The following SASS6 variants were observed in gnomAD, a reference collection of about 807,000 sequenced individuals.
SASS6 encodes spindle assembly abnormal protein 6 homolog.
A neutral mutation model predicts 94.9 loss-of-function variants in SASS6; 59 were observed. The ratio of observed to expected loss-of-function variants is 0.62; its 90% confidence interval spans 0.50 to 0.77. The LOEUF (loss-of-function observed/expected upper bound fraction) is 0.77, where lower values mean the gene tolerates loss of function less well. SASS6 is among the 30% of genes least tolerant of loss of function. The probability of loss-of-function intolerance (pLI) is 0.00; values close to 1 mark genes in which losing one functional copy is unlikely to be tolerated. For missense variants in SASS6, 698 were observed against 734.1 expected, an observed-to-expected ratio of 0.95 and a Z score of 0.57; for synonymous variants, 264 against 270.0, an observed-to-expected ratio of 0.98 and a Z score of 0.22.
At position 100,119,108 on chromosome 1, in the gene SASS6, A is replaced by G; in HGVS notation, c.579T>C (p.Asp193=). The G allele has an allele frequency of 6.4e-7, 1 of 1,574,444 alleles. No homozygotes were observed. Among genetic ancestry groups the G allele is most frequent in the Non-Finnish European group, 8.7e-7 (1 of 1,152,424 alleles). The change falls in exon 7 of 17, where the codon GAT becomes GAC. Residue 193 remains aspartate (D), a synonymous_variant. Coordinates refer to ENST00000287482, the MANE Select transcript of SASS6 (RefSeq NM_194292.3). ...KTLAEKKQEL[D]KLRNEWASHT... The stretch of plus-strand genomic sequence containing the variant: ...GTGACGCCCATTCATTCCGTAACTT[A>G]TCTAATTCTTGTTTTTTTTCTGCTA...
intron 7 of SASS6, among the ~76,000 whole-genome samples, chr1:100,112,271 GAAT>G (rs1465480712): frequency 6.6e-6 from 1 of 151,928 alleles, no homozygotes; most frequent in Non-Finnish European, 1.5e-5. Context: ...TTTGGGAATG[GAAT>G]AATAATGATA....
At chr1:100,108,534 T>A (rs1052923784) in intron 8 of SASS6, among the ~76,000 whole-genome samples, 1 of 152,106 alleles carries the variant, frequency 6.6e-6, no homozygotes. Flanking sequence ...AAAAATAGAT[T>A]TTTAAAAAAT....
intron 7 of SASS6, among the ~76,000 whole-genome samples, chr1:100,112,582 C>T (rs1160578684): frequency 1.3e-5 from 2 of 152,110 alleles, no homozygotes; most frequent in Non-Finnish European, 2.9e-5. Context: ...AAAGATAACA[C>T]AGGTTTAATG....
intron 13 of SASS6, among the ~76,000 whole-genome samples, chr1:100,104,643 A>G (rs1232071598): frequency 6.6e-6 from 1 of 152,000 alleles, no homozygotes; most frequent in African/African-American, 2.4e-5. Context: ...TATTTTTAGT[A>G]GAGACAGGGT....
At chr1:100,120,568 T>A in intron 5 of SASS6, 109 bp from the exon 6 acceptor site, 1 of 593,004 alleles carries the variant, frequency 1.7e-6, no homozygotes, top group Non-Finnish European at 3.0e-6. Flanking sequence ...GAAATGCAGA[T>A]TCTTAGGCTC....
chr1:100,089,010 C>T (rs1057265714), intron 14 of SASS6, among the ~76,000 whole-genome samples: 3 of 151,596 alleles, frequency 2.0e-5, no homozygotes, highest in African/African-American at 7.3e-5. Context: ...AATTATAGAC[C>T]AGGGACACAA....
At chr1:100,102,360 A>AC (rs1652562690) in intron 14 of SASS6, among the ~76,000 whole-genome samples, 1 of 152,098 alleles carries the variant, frequency 6.6e-6, no homozygotes, top group Non-Finnish European at 1.5e-5. Flanking sequence ...AGCGTAGGAG[A>AC]CACAAGTAGA....
chr1:100,095,565 G>A (rs540801613), intron 14 of SASS6, among the ~76,000 whole-genome samples: 354 of 152,124 alleles, frequency 2.3e-3, no homozygotes, highest in African/African-American at 8.0e-3. Flanking sequence ...TTGTACTATC[G>A]GTTCTAGCCA....
intron 7 of SASS6, among the ~76,000 whole-genome samples, chr1:100,118,278 G>A (rs552083111): frequency 2.0e-5 from 3 of 151,618 alleles, no homozygotes; most frequent in Admixed American, 6.6e-5. Context: ...TTGTGCCACC[G>A]CACTCCAGCC....
intron 14 of SASS6, among the ~76,000 whole-genome samples, chr1:100,097,782 A>G (rs1360532949): frequency 6.6e-6 from 1 of 152,180 alleles, no homozygotes; most frequent in East Asian, 1.9e-4. Context: ...ATAAGCCATG[A>G]TCGTGCCACT....
At chr1:100,121,983 T>C (rs1004492394) in intron 4 of SASS6, among the ~76,000 whole-genome samples, 11 of 152,224 alleles carry the variant, frequency 7.2e-5, no homozygotes, top group Non-Finnish European at 1.6e-4. Flanking sequence ...TTGTTCTTCC[T>C]AATGAAATAA....
chr1:100,092,135 G>A lies in SASS6; in HGVS notation c.1675-3899C>T, dbSNP rs373055558. Among the ~76,000 whole-genome samples, 29 of 150,924 alleles carry A rather than the reference G, an allele frequency of 1.9e-4. No individual in the cohort carries two copies. In the East Asian group the frequency reaches 2.3e-3, roughly 12 times the overall value. On this transcript the variant is annotated intron_variant, in intron 14 of 16. Coordinates refer to ENST00000287482, the MANE Select transcript of SASS6 (RefSeq NM_194292.3). The stretch of plus-strand genomic sequence containing the variant: ...AAAGTCAAATAAGTTCAAAATCCAT[G>A]CCCAGACACATCATTGTTAAACTGT...
chr1:100,105,880 G>T lies in SASS6; in HGVS notation c.1432C>A (p.Leu478Ile), dbSNP rs1436466473. ...EKLITWLNKELNENQLVRKQD... is the reference protein window; with the variant it reads ...EKLITWLNKEINENQLVRKQD... ...TTTCTCACTAGCTGATTTTCATTTA[G>T]TTCTTTATTTAACCACGTGATTACT... The change falls in exon 13 of 17, where the codon CTA becomes ATA. Residue 478 changes from leucine (L) to isoleucine (I), a missense_variant. Physicochemically the swap from Leu to Ile is conservative, Grantham distance 5. Transcript: ENST00000287482. 6.2e-7 allele frequency: 1 copy of T among 1,606,220 alleles called. No homozygotes were observed. Among genetic ancestry groups the T allele is most frequent in the South Asian group, 1.1e-5 (1 of 90,064 alleles).
intron 7 of SASS6, among the ~76,000 whole-genome samples, chr1:100,116,012 C>T (rs1028631100): frequency 1.3e-5 from 2 of 151,842 alleles, no homozygotes; most frequent in Non-Finnish European, 2.9e-5. Context: ...TCATAGTCCT[C>T]GGGTGGGAAA....
At chr1:100,090,576 C>T (rs1024275771) in intron 14 of SASS6, among the ~76,000 whole-genome samples, 1 of 152,140 alleles carries the variant, frequency 6.6e-6, no homozygotes, top group Admixed American at 6.5e-5. Context: ...AGTGGCGAGG[C>T]GATAACTAAA....
intron 1 of SASS6, among the ~76,000 whole-genome samples, chr1:100,129,752 C>G (rs1186138064): frequency 6.6e-6 from 1 of 152,112 alleles, no homozygotes; most frequent in East Asian, 1.9e-4. Context: ...AACAAGAATG[C>G]TTGTATGACT....
intron 13 of SASS6, among the ~76,000 whole-genome samples, chr1:100,104,365 T>C (rs534552005): frequency 1.9e-4 from 29 of 152,326 alleles, no homozygotes; most frequent in Non-Finnish European, 2.8e-4. Flanking sequence ...GCCCCAGGCC[T>C]ATGTGCGGAT....
intron 1 of SASS6, among the ~76,000 whole-genome samples, chr1:100,131,280 C>T (rs538749387): frequency 6.6e-6 from 1 of 151,564 alleles, no homozygotes; most frequent in Non-Finnish European, 1.5e-5. Flanking sequence ...TAACCTCAAG[C>T]TTAGGCTCAA....
At chr1:100,118,918 A>C in intron 7 of SASS6, 100 bp downstream of exon 7, 1 of 739,276 alleles carries the variant, frequency 1.4e-6, no homozygotes, top group Non-Finnish European at 2.0e-6. Flanking sequence ...TACTTCTGTA[A>C]CGTTTGGAAA....
Sources: gnomAD v4.1 joint callset for allele counts (sites outside exome capture counted in the v4.1 genomes callset) on GRCh38, gnomAD v4.1.1 for gene constraint, MANE v1.5 for transcripts, NCBI Gene and HGNC (gene_info 2026-07-23, HGNC 2026-07-21) for gene names.